Variants in SCD5 observed in about 807,000 individuals in gnomAD.
SCD5 encodes the protein stearoyl-CoA desaturase 5.
Under a neutral mutation model 30.4 loss-of-function variants are expected in SCD5, and 20 were observed. The observed-to-expected ratio is 0.66, with a 90% CI of 0.46 to 0.96. The LOEUF is 0.96. Ranked by LOEUF, SCD5 falls within the 40% of genes least tolerant of loss-of-function variation. The probability of loss-of-function intolerance (pLI) is 0.00; values close to 1 mark genes in which losing one functional copy is unlikely to be tolerated. For missense variants in SCD5, 381 were observed against 443.3 expected, an observed-to-expected ratio of 0.86 and a Z score of 1.26; for synonymous variants, 173 against 176.4, an observed-to-expected ratio of 0.98 and a Z score of 0.16.
chr4:82,719,169 G>T (rs1340121237), intron 1 of SCD5, among the ~76,000 whole-genome samples: 1 of 151,808 alleles, frequency 6.6e-6, no homozygotes, highest in South Asian at 2.1e-4. Context: ...AACATGGAAA[G>T]ATCTGGCAAT....
intron 2 of SCD5, among the ~76,000 whole-genome samples, chr4:82,691,485 C>A (rs1161708365): frequency 6.6e-6 from 1 of 152,070 alleles, no homozygotes; most frequent in South Asian, 2.1e-4. Flanking sequence ...TAGGACAAGC[C>A]TGGTATGAGA....
intron 1 of SCD5, among the ~76,000 whole-genome samples, chr4:82,734,388 C>T (rs1178672061): frequency 6.6e-6 from 1 of 152,182 alleles, no homozygotes; most frequent in Non-Finnish European, 1.5e-5. Context: ...TGACTTTCTC[C>T]GACATCCACT....
intron 3 of SCD5, among the ~76,000 whole-genome samples, chr4:82,638,525 C>T (rs902470690): frequency 6.6e-6 from 1 of 152,228 alleles, no homozygotes; most frequent in African/African-American, 2.4e-5. Context: ...ATGGTTTTTC[C>T]ATTGGCTCCA....
At chr4:82,691,101 C>T (rs1728825426) in intron 2 of SCD5, among the ~76,000 whole-genome samples, 1 of 152,212 alleles carries the variant, frequency 6.6e-6, no homozygotes, top group African/African-American at 2.4e-5. Context: ...TCTTGGCTCA[C>T]TGCAACCTCT....
At chr4:82,680,074 C>T (rs1728535640) in intron 3 of SCD5, among the ~76,000 whole-genome samples, 2 of 152,190 alleles carry the variant, frequency 1.3e-5, no homozygotes, top group African/African-American at 4.8e-5. Flanking sequence ...TACTTGCCAG[C>T]ACAATTGTAG....
chr4:82,704,471 A>C (rs1719927078), intron 2 of SCD5, among the ~76,000 whole-genome samples: 1 of 152,200 alleles, frequency 6.6e-6, no homozygotes, highest in Non-Finnish European at 1.5e-5. Context: ...AAAGTACCCA[A>C]GGAAAGTACC....
intron 1 of SCD5, among the ~76,000 whole-genome samples, chr4:82,769,853 T>C (rs2148848094): frequency 6.6e-6 from 1 of 152,266 alleles, no homozygotes; most frequent in South Asian, 2.1e-4. Flanking sequence ...AAAGGAACTT[T>C]TCGGGTATAA....
chr4:82,778,892 G>C (rs181638152), intron 1 of SCD5, among the ~76,000 whole-genome samples: 4 of 149,350 alleles, frequency 2.7e-5, no homozygotes, highest in African/African-American at 9.9e-5. Context: ...TTGAGATGGA[G>C]TTTCGCTCTT....
At chr4:82,768,217 G>A (rs186985626) in intron 1 of SCD5, among the ~76,000 whole-genome samples, 1 of 152,274 alleles carries the variant, frequency 6.6e-6, no homozygotes, top group East Asian at 1.9e-4. Context: ...ATAGATGAGG[G>A]AACTGAGACT....
At chr4:82,668,228 C>T (rs959004875) in intron 3 of SCD5, among the ~76,000 whole-genome samples, 1 of 152,064 alleles carries the variant, frequency 6.6e-6, no homozygotes, top group Non-Finnish European at 1.5e-5. Context: ...GGTGAAAAGA[C>T]AAAGACTATA....
chr4:82,655,325 A>C (rs1350346739), intron 3 of SCD5, among the ~76,000 whole-genome samples: 1 of 152,218 alleles, frequency 6.6e-6, no homozygotes. Flanking sequence ...AGCAAGGTGG[A>C]AAAAGGCTTT....
chr4:82,704,291 C>G (rs1049131383), intron 2 of SCD5, among the ~76,000 whole-genome samples: 3 of 152,206 alleles, frequency 2.0e-5, no homozygotes, highest in Admixed American at 1.3e-4. Flanking sequence ...TCCTGGGTCA[C>G]CCGTCTCCCT....
chr4:82,693,966 G>T (rs548860061), intron 2 of SCD5, among the ~76,000 whole-genome samples: 5 of 152,354 alleles, frequency 3.3e-5, no homozygotes, highest in South Asian at 2.1e-4. Flanking sequence ...GAGGGAATGC[G>T]GAGGGCAGGG....
chr4:82,719,629 G>C (rs899295495), intron 1 of SCD5, among the ~76,000 whole-genome samples: 1 of 150,562 alleles, frequency 6.6e-6, no homozygotes, highest in African/African-American at 2.5e-5. Flanking sequence ...TCAGCCTCCC[G>C]AGTAGCTGGG....
intron 1 of SCD5, among the ~76,000 whole-genome samples, chr4:82,786,201 C>T (rs573693834): frequency 6.6e-6 from 1 of 152,260 alleles, no homozygotes; most frequent in East Asian, 1.9e-4. Context: ...TGTTTTCTTA[C>T]ACAACGGGTG....
intron 3 of SCD5, among the ~76,000 whole-genome samples, chr4:82,666,578 A>C (rs1489913312): frequency 6.6e-6 from 1 of 152,220 alleles, no homozygotes; most frequent in African/African-American, 2.4e-5. Context: ...TACTCTACAT[A>C]GCCTAGAAAG....
intron 3 of SCD5, among the ~76,000 whole-genome samples, chr4:82,643,735 C>A (rs1157894226): frequency 6.6e-6 from 1 of 152,084 alleles, no homozygotes; most frequent in Non-Finnish European, 1.5e-5. Context: ...TATTTCACCA[C>A]AATAAAGAAA....
At chr4:82,712,518 A>G (rs1720133240) in intron 1 of SCD5, among the ~76,000 whole-genome samples, 1 of 150,404 alleles carries the variant, frequency 6.6e-6, no homozygotes, top group Admixed American at 6.6e-5. Flanking sequence ...GGGTTTCACC[A>G]TGTTGGCCAG....
rs1728546028 is a variant in SCD5 at position 82,680,612 on chromosome 4, G to A, written c.569+95C>T. ...GGCAAAATTGTTAGGGCAAATGCTT[G>A]AGAAGAACGCTATGGGGTTATGAGT... On this transcript the variant is annotated intron_variant, in intron 3 of 4. Coordinates refer to ENST00000319540, the MANE Select transcript of SCD5 (RefSeq NM_001037582.3). 2.7e-6 allele frequency: 3 copies of A among 1,117,926 alleles called. No individual in the cohort carries two copies. The South Asian group carries it at 4.0e-5, about 15-fold the overall frequency. 69.3% of individuals were successfully genotyped at this position (1,117,926 alleles called of 1,614,324 possible).
Sources: gnomAD v4.1 joint callset for allele counts (sites outside exome capture counted in the v4.1 genomes callset) on GRCh38, gnomAD v4.1.1 for gene constraint, MANE v1.5 for transcripts, NCBI Gene and HGNC (gene_info 2026-07-23, HGNC 2026-07-21) for gene names.